FARP2: variants seen among roughly 807,000 people sequenced by gnomAD.
The protein encoded by FARP2 is FERM, ARHGEF and pleckstrin domain-containing protein 2.
A neutral mutation model predicts 130.5 loss-of-function variants in FARP2; 111 were observed. That is an observed-to-expected ratio of 0.85 (90% CI 0.73 to 1.00). The LOEUF is 1.00. Among genes scored for constraint, FARP2 ranks in the 50% least tolerant of loss-of-function variants. The pLI is 0.00. For missense variants in FARP2, 1,385 were observed against 1,346.3 expected, an observed-to-expected ratio of 1.03 and a Z score of -0.45; for synonymous variants, 504 against 516.9, an observed-to-expected ratio of 0.98 and a Z score of 0.34.
chr2:241,453,302 C>G (rs1235711585), intron 13 of FARP2, among the ~76,000 whole-genome samples: 1 of 150,902 alleles, frequency 6.6e-6, no homozygotes, highest in Non-Finnish European at 1.5e-5. Flanking sequence ...TGCACTCCAA[C>G]CTGGGCGACA....
At chr2:241,382,370 G>A (rs1244569565) in intron 2 of FARP2, among the ~76,000 whole-genome samples, 1 of 137,856 alleles carries the variant, frequency 7.3e-6, no homozygotes. Context: ...TCCAACCTCC[G>A]CCTCCTGGGC....
chr2:241,392,272 G>A (rs554424636), intron 2 of FARP2, among the ~76,000 whole-genome samples: 8 of 152,332 alleles, frequency 5.3e-5, no homozygotes, highest in African/African-American at 1.9e-4. Flanking sequence ...CCTTCTTGTT[G>A]TATCTCCCCA....
chr2:241,466,947 T>TAA lies in FARP2; in HGVS notation c.1894-1180_1894-1179dup, dbSNP rs111497599. On this transcript the variant is annotated intron_variant, in intron 17 of 26. Coordinates refer to ENST00000264042, the MANE Select transcript of FARP2 (RefSeq NM_014808.4). ...AGTGGACCAAATAAAAGTGTTTTGT[T>TAA]AAAAAAAAAAAAAATGTAACCCTTT... Among the ~76,000 whole-genome samples the TAA allele has an allele frequency of 3.4e-4, 49 of 145,228 alleles. 1 individual carries two copies. Among genetic ancestry groups the TAA allele is most frequent in the South Asian group, 8.8e-4 (4 of 4,562 alleles).
rs374686582 is a variant in FARP2 at position 241,459,658 on chromosome 2, T to C, written c.1587+2736T>C. On this transcript the variant is annotated intron_variant, in intron 14 of 26. Transcript: ENST00000264042. The surrounding 1 kb of genome is among the most constrained non-coding windows in gnomAD (Gnocchi z 5.3). ...GGTGGCGAAGCTCACAGGAATTGCA[T>C]GCTCCTCTGGGCCTATCCCTGGCCG... Among the ~76,000 whole-genome samples the C allele has an allele frequency of 6.2e-4, 95 of 152,336 alleles. No individual in the cohort carries two copies. Among genetic ancestry groups the C allele is most frequent in the African/African-American group, 2.2e-3 (90 of 41,588 alleles).
chr2:241,453,457 C>T (rs1435612948), intron 13 of FARP2, among the ~76,000 whole-genome samples: 5 of 150,992 alleles, frequency 3.3e-5, no homozygotes, highest in South Asian at 2.1e-4. Context: ...CCCGTCTCTA[C>T]TAAAAATACA....
chr2:241,372,102 A>G (rs992367836), intron 1 of FARP2, among the ~76,000 whole-genome samples: 3 of 152,126 alleles, frequency 2.0e-5, no homozygotes, highest in Non-Finnish European at 4.4e-5. Flanking sequence ...TAGCACTGTT[A>G]GACTTAACAG....
intron 1 of FARP2, among the ~76,000 whole-genome samples, chr2:241,357,564 A>C (rs1290198850): frequency 1.3e-5 from 2 of 152,222 alleles, no homozygotes; most frequent in Non-Finnish European, 2.9e-5. Context: ...GACATGACCA[A>C]GTTGCACAGC....
chr2:241,485,777 C>G (rs926852561), intron 21 of FARP2, among the ~76,000 whole-genome samples: 2 of 151,240 alleles, frequency 1.3e-5, no homozygotes, highest in Non-Finnish European at 3.0e-5. Context: ...TGGGATTTTC[C>G]CTCCCCATGG....
chr2:241,381,233 A>G (rs984540218), intron 2 of FARP2, among the ~76,000 whole-genome samples: 19 of 151,772 alleles, frequency 1.3e-4, no homozygotes, highest in African/African-American at 4.6e-4. Flanking sequence ...TCTGATTGCC[A>G]CCGCCAGCCA....
intron 17 of FARP2, chr2:241,465,355 G>C (rs1333979130): frequency 1.2e-6 from 1 of 850,190 alleles, no homozygotes; most frequent in African/African-American, 1.7e-5. Context: ...CCCCTCCCCA[G>C]GGCAGGACCT....
At chr2:241,381,168 G>A (rs546340383) in intron 2 of FARP2, among the ~76,000 whole-genome samples, 52 of 152,288 alleles carry the variant, frequency 3.4e-4, no homozygotes, top group African/African-American at 1.2e-3. Flanking sequence ...CCACTCTGCT[G>A]TGGGCCCTGT....
chr2:241,472,638 T>C (rs1210505392), intron 18 of FARP2, among the ~76,000 whole-genome samples: 1 of 150,296 alleles, frequency 6.7e-6, no homozygotes, highest in Non-Finnish European at 1.5e-5. Flanking sequence ...TTTTGTTCTG[T>C]GTAGACGCTG....
intron 23 of FARP2, 38 bp from the exon 24 acceptor site, chr2:241,491,478 A>AG: frequency 6.2e-7 from 1 of 1,609,998 alleles, no homozygotes; most frequent in Non-Finnish European, 8.5e-7. Flanking sequence ...CAGAGGCCAC[A>AG]GGGGGTTCCC....
intron 3 of FARP2, among the ~76,000 whole-genome samples, chr2:241,404,484 C>T (rs1040953628): frequency 1.3e-5 from 2 of 152,144 alleles, no homozygotes; most frequent in Admixed American, 6.6e-5. Flanking sequence ...TGCAGTAGTA[C>T]CAAATATTTG....
intron 13 of FARP2, among the ~76,000 whole-genome samples, chr2:241,454,253 T>C (rs1158463563): frequency 6.6e-6 from 1 of 152,126 alleles, no homozygotes; most frequent in Non-Finnish European, 1.5e-5. Context: ...AACTTTTTGG[T>C]AAACTGTCAA....
At chr2:241,465,849 G>A (rs1017747048) in intron 17 of FARP2, 3 of 1,518,790 alleles carry the variant, frequency 2.0e-6, no homozygotes, top group East Asian at 4.9e-5. Flanking sequence ...AGTTCCCAAG[G>A]GACTATAGGT....
chr2:241,369,297 A>G (rs2061376713), intron 1 of FARP2, among the ~76,000 whole-genome samples: 1 of 152,156 alleles, frequency 6.6e-6, no homozygotes, highest in African/African-American at 2.4e-5. Flanking sequence ...TATAAAATAA[A>G]CACACATAAA....
At chr2:241,409,548 C>CA (rs1381766200) in intron 5 of FARP2, among the ~76,000 whole-genome samples, 7 of 151,450 alleles carry the variant, frequency 4.6e-5, no homozygotes, top group Non-Finnish European at 8.8e-5. Context: ...GAGCCTGTCT[C>CA]AAAAAAAATA....
intron 1 of FARP2, among the ~76,000 whole-genome samples, chr2:241,358,912 AG>A (rs1349778073): frequency 1.3e-5 from 2 of 152,242 alleles, no homozygotes; most frequent in Admixed American, 6.5e-5. Flanking sequence ...CTTTTTGGAA[AG>A]TAGCAGTATG....
Sources: gnomAD v4.1 joint callset for allele counts (sites outside exome capture counted in the v4.1 genomes callset) on GRCh38, gnomAD v4.1.1 for gene constraint, Gnocchi (gnomAD v3.1) non-coding constraint, MANE v1.5 for transcripts, NCBI Gene and HGNC (gene_info 2026-07-23, HGNC 2026-07-21) for gene names.